Variants in GPHN observed in about 807,000 individuals in gnomAD.
The protein encoded by GPHN is gephyrin.
A neutral mutation model predicts 95.5 loss-of-function variants in GPHN; 17 were observed. The ratio of observed to expected loss-of-function variants is 0.18; its 90% CI spans 0.12 to 0.27. The LOEUF (loss-of-function observed/expected upper bound fraction) is 0.27, where lower values mean the gene tolerates loss of function less well. Among genes scored for constraint, GPHN ranks in the 10% least tolerant of loss-of-function variants. The pLI is 1.00. For missense variants in GPHN, 660 were observed against 978.1 expected (o/e 0.67, Z 4.34); for synonymous variants, 320 against 322.5 (o/e 0.99, Z 0.08).
chr14:66,942,796 C>T (rs2067506531), intron 8 of GPHN, among the ~76,000 whole-genome samples: 2 of 152,118 alleles, frequency 1.3e-5, no homozygotes, highest in Admixed American at 1.3e-4. Context: ...ACCTCTGTAG[C>T]ACTCAAAAAG....
chr14:67,620,446 C>G, the GPHN span, among the ~76,000 whole-genome samples: 1 of 151,912 alleles, frequency 6.6e-6, no homozygotes, highest in African/African-American at 2.4e-5. Context: ...GGTCAGAATC[C>G]CCAGTGGAGA....
intron 4 of GPHN, among the ~76,000 whole-genome samples, chr14:66,861,299 G>A (rs1365446419): frequency 6.6e-6 from 1 of 151,854 alleles, no homozygotes; most frequent in African/African-American, 2.4e-5. Context: ...AATGATAAAA[G>A]GGTGAATTCA....
chr14:67,038,380 A>G (rs2074533829), intron 10 of GPHN, among the ~76,000 whole-genome samples: 2 of 152,154 alleles, frequency 1.3e-5, no homozygotes, highest in Admixed American at 6.5e-5. Flanking sequence ...TTGTACAATA[A>G]TATGCATATA....
At chr14:67,314,730 T>G in the GPHN span, among the ~76,000 whole-genome samples, 33 of 152,384 alleles carry the variant, frequency 2.2e-4, no homozygotes, top group Admixed American at 9.8e-4. Flanking sequence ...AGTCTTTTTA[T>G]AAGACTAAAG....
chr14:67,330,450 C>T, the GPHN span, among the ~76,000 whole-genome samples: 3 of 145,944 alleles, frequency 2.1e-5, no homozygotes, highest in Non-Finnish European at 3.0e-5. Flanking sequence ...TTCTAATTTC[C>T]CTTCATTTTT....
chr14:66,811,411 A>C (rs1017034175), intron 3 of GPHN, among the ~76,000 whole-genome samples: 2 of 152,150 alleles, frequency 1.3e-5, no homozygotes, highest in African/African-American at 4.8e-5. Context: ...AAGGTTTAAA[A>C]TTGGTTGTCT....
intron 1 of GPHN, among the ~76,000 whole-genome samples, chr14:66,546,815 G>C (rs1198288041): frequency 7.3e-6 from 1 of 137,414 alleles, no homozygotes; most frequent in Non-Finnish European, 1.6e-5. Context: ...GGGGGAGGGG[G>C]AGGGAGAGGG....
At chr14:67,592,971 G>C in the GPHN span, among the ~76,000 whole-genome samples, 4,040 of 152,110 alleles carry the variant, frequency 0.027, 148 homozygotes, top group African/African-American at 0.087. Context: ...ATTTTTAGTA[G>C]AGATGGGGTT....
At chr14:66,850,137 G>A (rs1460892486) in intron 4 of GPHN, among the ~76,000 whole-genome samples, 1 of 152,006 alleles carries the variant, frequency 6.6e-6, no homozygotes, top group Admixed American at 6.6e-5. Flanking sequence ...TTGAACTTCA[G>A]TAATGTAGAA....
At chr14:67,325,194 CAG>C in the GPHN span, among the ~76,000 whole-genome samples, 1 of 152,152 alleles carries the variant, frequency 6.6e-6, no homozygotes, top group African/African-American at 2.4e-5. Flanking sequence ...CGTGAGCCAC[CAG>C]GCCCAGCCTC....
intron 18 of GPHN, among the ~76,000 whole-genome samples, chr14:67,144,286 T>TATATATATACACAC (rs1421893686): frequency 1.3e-5 from 1 of 78,126 alleles, no homozygotes; most frequent in African/African-American, 6.4e-5. Flanking sequence ...TATATATATA[T>TATATATATACACAC]ACACACACAC....
the GPHN span, chr14:67,569,840 A>G: frequency 5.8e-6 from 5 of 864,500 alleles, no homozygotes; most frequent in South Asian, 5.7e-5. Context: ...AGGGAATGCC[A>G]TCTGCCCAGT....
At chr14:67,573,844 C>T in the GPHN span, 1 of 1,613,758 alleles carries the variant, frequency 6.2e-7, no homozygotes, top group Non-Finnish European at 8.5e-7. The surrounding 1 kb of genome is among the most constrained non-coding windows in gnomAD (Gnocchi z 4.8). Flanking sequence ...GATCTGAACT[C>T]CCGCTGCCAA....
chr14:67,625,895 C>G, the GPHN span, among the ~76,000 whole-genome samples: 1 of 152,064 alleles, frequency 6.6e-6, no homozygotes, highest in Non-Finnish European at 1.5e-5. Context: ...ATTTAATTAG[C>G]CACTTCTCCA....
chr14:66,683,369 T>TATGTTC (rs1555379511), intron 2 of GPHN, among the ~76,000 whole-genome samples: 13 of 32,080 alleles, frequency 4.1e-4, no homozygotes, highest in African/African-American at 9.5e-4. Flanking sequence ...TATATATATA[T>TATGTTC]ATATATATAT....
the GPHN span, among the ~76,000 whole-genome samples, chr14:67,657,597 T>TGCGC: frequency 2.5e-5 from 3 of 119,358 alleles, no homozygotes; most frequent in African/African-American, 1.0e-4. Context: ...CGCGCGCGCG[T>TGCGC]GCACACACAC....
At chr14:66,824,635 A>G (rs192449913) in intron 4 of GPHN, 69 bp downstream of exon 4, 38 of 718,280 alleles carry the variant, frequency 5.3e-5, no homozygotes, top group Admixed American at 3.0e-4. Context: ...CCTTTTTACT[A>G]TATTTATATT....
intron 1 of GPHN, among the ~76,000 whole-genome samples, chr14:66,572,651 C>CTT (rs370471152): frequency 1.3e-5 from 2 of 148,476 alleles, no homozygotes; most frequent in Non-Finnish European, 3.0e-5. Flanking sequence ...TTAGTTTTAA[C>CTT]TTTTTTTTTT....
At chr14:67,230,723 T>C in the GPHN span, among the ~76,000 whole-genome samples, 11 of 152,182 alleles carry the variant, frequency 7.2e-5, no homozygotes, top group Admixed American at 4.6e-4. Flanking sequence ...AACAGGTGAA[T>C]GACTAAACAA....
Sources: allele counts gnomAD v4.1 joint callset (sites outside exome capture counted in the v4.1 genomes callset), GRCh38; gene constraint gnomAD v4.1.1; non-coding constraint Gnocchi (gnomAD v3.1); transcripts MANE v1.5; gene names NCBI Gene and HGNC (gene_info 2026-07-23, HGNC 2026-07-21).